The following TEKT5 variants were observed in gnomAD, a reference collection of about 807,000 sequenced individuals.
TEKT5 encodes the protein tektin 5.
Under a neutral mutation model 48.7 loss-of-function variants are expected in TEKT5, and 52 were observed. That is an observed-to-expected ratio of 1.07 (90% CI 0.86 to 1.35). The LOEUF (loss-of-function observed/expected upper bound fraction) is 1.35, where lower values mean the gene tolerates loss of function less well. TEKT5 is among the 40% of genes most tolerant of loss of function. TEKT5 has a pLI of 0.00. For missense variants in TEKT5, 831 were observed against 641.6 expected (o/e 1.30, Z -3.19); for synonymous variants, 318 against 267.6 (o/e 1.19, Z -1.84).
chr16:10,635,947 C>T, intron 5 of TEKT5, 29 bp from the exon 6 acceptor site: 2 of 1,609,924 alleles, frequency 1.2e-6, no homozygotes, highest in Non-Finnish European at 1.7e-6. Context: ...GTGTCACCAC[C>T]CACCAGGCCC....
intron 4 of TEKT5, 101 bp downstream of exon 4, chr16:10,681,892 T>C (rs1898759707): frequency 2.0e-6 from 3 of 1,473,802 alleles, no homozygotes; most frequent in Admixed American, 3.7e-5. Context: ...CACTTCCCAC[T>C]TAACTGGTGC....
At chr16:10,637,695 G>A (rs1376434315) in intron 5 of TEKT5, among the ~76,000 whole-genome samples, 2 of 152,244 alleles carry the variant, frequency 1.3e-5, no homozygotes, top group Non-Finnish European at 1.5e-5. Context: ...CCATCAAGCT[G>A]TAAGCTTTAC....
Position 10,633,656 on chromosome 16 carries a change from C to T in TEKT5, c.1241+2108G>A, listed in dbSNP as rs146483462. Among the ~76,000 whole-genome samples the T allele has an allele frequency of 2.0e-3, 310 of 152,200 alleles. 3 individuals are homozygous for T. Among genetic ancestry groups the T allele is most frequent in the Non-Finnish European group, 3.2e-3 (215 of 67,992 alleles). ...CTCCTGGGCTTAAGCAATCCTTCTG[C>T]CTCAGCCTCCTGAGTAGCTGGGACT... is the stretch of plus-strand genomic sequence containing the variant. On this transcript the variant is annotated intron_variant, in intron 6 of 6. Transcript: ENST00000283025.
chr16:10,685,109 G>T (rs1176733613), intron 3 of TEKT5, among the ~76,000 whole-genome samples: 1 of 152,206 alleles, frequency 6.6e-6, no homozygotes, highest in African/African-American at 2.4e-5. Context: ...CACAGCCACT[G>T]CCCAGCGACA....
chr16:10,652,161 G>A (rs924662683), intron 5 of TEKT5, among the ~76,000 whole-genome samples: 2 of 152,118 alleles, frequency 1.3e-5, no homozygotes, highest in Admixed American at 6.6e-5. Flanking sequence ...GATTAGCACA[G>A]GGTCTGGGAG....
intron 5 of TEKT5, among the ~76,000 whole-genome samples, chr16:10,662,739 A>G (rs1445160949): frequency 2.0e-5 from 3 of 152,216 alleles, no homozygotes; most frequent in African/African-American, 7.2e-5. Flanking sequence ...CACCTGGAGT[A>G]AAACACAGCT....
intron 1 of TEKT5, chr16:10,692,978 G>A (rs1028959344): frequency 6.6e-6 from 1 of 152,230 alleles, no homozygotes; most frequent in African/African-American, 2.4e-5. Context: ...AACCACTATC[G>A]TGGAGTATTT....
intron 6 of TEKT5, 152 bp downstream of exon 6, chr16:10,635,612 C>G: frequency 8.2e-7 from 1 of 1,223,674 alleles, no homozygotes; most frequent in Non-Finnish European, 1.1e-6. Flanking sequence ...TCCACCCACA[C>G]CCTGCACTCT....
At position 10,689,262 on chromosome 16, in the gene TEKT5, A is replaced by G. The variant is rs149425190; in HGVS notation, c.710T>C (p.Ile237Thr). The stretch of plus-strand genomic sequence containing the variant: ...AAAAAAAAGCCCTTACCGCATCTGG[A>G]TATCAATTCTTTGAGCTAATTTTCT... ...QMRKLAQRID[I>T]QMRDNRDAQH... is the part of the protein sequence containing the mutation. The change falls in exon 3 of 7, where the codon ATC becomes ACC. Residue 237 changes from isoleucine (I) to threonine (T), a missense_variant. Transcript: ENST00000283025. 200 of 1,607,612 alleles carry G rather than the reference A, an allele frequency of 1.2e-4. No individual in the cohort carries two copies. The African/African-American group carries it at 1.7e-3, about 14-fold the overall frequency.
chr16:10,651,222 C>G (rs1898151246), intron 5 of TEKT5, among the ~76,000 whole-genome samples: 1 of 152,046 alleles, frequency 6.6e-6, no homozygotes, highest in Admixed American at 6.6e-5. Context: ...ATGCCTCATT[C>G]TCTCACCTCC....
chr16:10,691,025 T>G (rs1013397163), intron 1 of TEKT5, among the ~76,000 whole-genome samples: 22 of 152,216 alleles, frequency 1.4e-4, no homozygotes, highest in African/African-American at 5.1e-4. Flanking sequence ...TGTGTTCTAC[T>G]AGGGGAGAGA....
intron 5 of TEKT5, among the ~76,000 whole-genome samples, chr16:10,651,943 C>T (rs1334424550): frequency 1.3e-5 from 2 of 152,084 alleles, no homozygotes; most frequent in Non-Finnish European, 2.9e-5. Flanking sequence ...GCCTGGGCAA[C>T]AGAGCAAGAC....
intron 5 of TEKT5, among the ~76,000 whole-genome samples, chr16:10,666,352 A>G (rs917583554): frequency 6.6e-6 from 1 of 152,112 alleles, no homozygotes; most frequent in African/African-American, 2.4e-5. Flanking sequence ...TGGTGCCTGG[A>G]ATTCCTTTAA....
rs936103035 is a variant in TEKT5 at position 10,685,139 on chromosome 16, G to T, written c.720-3003C>A. Among the ~76,000 whole-genome samples the T allele has an allele frequency of 2.0e-5, 3 of 152,188 alleles. 1 individual carries two copies. The highest frequency in any genetic ancestry group is 4.1e-4 in the South Asian group (2 of 4,830). Reference sequence around the variant, plus strand: ...GCGACAAACAGCCTCCATCCGGCGTGGCTCGGCCTCCAGTCTCCACAAAGT... The same window carrying T: ...GCGACAAACAGCCTCCATCCGGCGTTGCTCGGCCTCCAGTCTCCACAAAGT... On this transcript the variant is annotated intron_variant, in intron 3 of 6. Transcript: ENST00000283025.
intron 5 of TEKT5, among the ~76,000 whole-genome samples, chr16:10,672,842 GTTTTTGTTTT>G (rs1463876658): frequency 9.3e-5 from 14 of 149,786 alleles, no homozygotes; most frequent in African/African-American, 2.2e-4. Context: ...GTTATTTTTT[GTTTTTGTTTT>G]TTTTTGTTTT....
At chr16:10,636,561 A>G (rs1181195413) in intron 5 of TEKT5, among the ~76,000 whole-genome samples, 2 of 152,026 alleles carry the variant, frequency 1.3e-5, no homozygotes, top group Non-Finnish European at 2.9e-5. Context: ...AGGGAGAAGA[A>G]GAGGGAGAGG....
chr16:10,690,900 G>C (rs1352527443), intron 1 of TEKT5, among the ~76,000 whole-genome samples: 1 of 152,200 alleles, frequency 6.6e-6, no homozygotes, highest in Non-Finnish European at 1.5e-5. Context: ...AAATGGGAGG[G>C]GGTCACTGAC....
At chr16:10,670,879 GTATT>G (rs200020336) in intron 5 of TEKT5, among the ~76,000 whole-genome samples, 6 of 150,940 alleles carry the variant, frequency 4.0e-5, no homozygotes, top group African/African-American at 1.2e-4. Flanking sequence ...ATTTATTTAT[GTATT>G]TATTTATTTA....
At chr16:10,675,206 T>C (rs1898623585) in intron 5 of TEKT5, among the ~76,000 whole-genome samples, 1 of 152,202 alleles carries the variant, frequency 6.6e-6, no homozygotes, top group Non-Finnish European at 1.5e-5. Context: ...TCTTTCTGTG[T>C]ATAAATTTCA....
Sources: gnomAD v4.1 joint callset for allele counts (sites outside exome capture counted in the v4.1 genomes callset) on GRCh38, gnomAD v4.1.1 for gene constraint, MANE v1.5 for transcripts, NCBI Gene and HGNC (gene_info 2026-07-23, HGNC 2026-07-21) for gene names.